The following SP7 variants were observed in gnomAD, a reference collection of about 807,000 sequenced individuals.
SP7 encodes transcription factor Sp7.
SP7 carries 13 observed loss-of-function variants against 27.9 expected under a neutral mutation model. The ratio of observed to expected loss-of-function variants is 0.47; its 90% CI spans 0.30 to 0.74. SP7 has a LOEUF of 0.74. Ranked by LOEUF, SP7 falls within the 30% of genes least tolerant of loss-of-function variation. The pLI is 0.06. For missense variants in SP7, 525 were observed against 558.0 expected (o/e 0.94, Z 0.60); for synonymous variants, 219 against 226.7 (o/e 0.97, Z 0.31).
At chr12:53,341,751 G>T (rs139562187) in intron 1 of SP7, among the ~76,000 whole-genome samples, 64 of 152,190 alleles carry the variant, frequency 4.2e-4, no homozygotes, top group Middle Eastern at 3.4e-3. Context: ...TGAGACTAGC[G>T]TGGCCAACAT....
intron 2 of SP7, among the ~76,000 whole-genome samples, chr12:53,335,164 G>A (rs970620352): frequency 6.6e-6 from 1 of 152,068 alleles, no homozygotes; most frequent in East Asian, 1.9e-4. Context: ...TGGGCTACGA[G>A]TCCCAGGAGA....
At chr12:53,335,259 A>G (rs1332978313) in intron 2 of SP7, among the ~76,000 whole-genome samples, 1 of 151,128 alleles carries the variant, frequency 6.6e-6, no homozygotes, top group Non-Finnish European at 1.5e-5. Context: ...CTGCCAGCTT[A>G]TGTATTTCCC....
chr12:53,336,894 A>G (rs1317187438), upstream of SP7, among the ~76,000 whole-genome samples: 1 of 152,026 alleles, frequency 6.6e-6, no homozygotes, highest in Non-Finnish European at 1.5e-5. Context: ...AAGGCTTGGT[A>G]TTGGCTTGGG....
intron 1 of SP7, among the ~76,000 whole-genome samples, chr12:53,342,297 G>A (rs891976891): frequency 2.6e-5 from 4 of 151,318 alleles, no homozygotes; most frequent in African/African-American, 9.7e-5. Context: ...ACGTCTCCCC[G>A]CTTTCTCTGG....
chr12:53,335,031 C>T (rs946451513), intron 2 of SP7, among the ~76,000 whole-genome samples: 3 of 152,182 alleles, frequency 2.0e-5, no homozygotes, highest in African/African-American at 7.2e-5. Context: ...GCTCAGTTCC[C>T]CTGGTCAGCT....
chr12:53,328,849 T>C lies in SP7; in HGVS notation c.593A>G (p.Tyr198Cys), dbSNP rs1944667445. The C allele has an allele frequency of 6.2e-7, 1 of 1,602,740 alleles. No individual in the cohort carries two copies. Among genetic ancestry groups the C allele is most frequent in the African/African-American group, 1.3e-5 (1 of 74,642 alleles). The change falls in exon 3 of 3, where the codon TAC (tyrosine) becomes TGC (cysteine). Residue 198 changes from tyrosine (Y) to cysteine (C), a missense_variant. Tyr to Cys is a radical substitution (Grantham distance 194, BLOSUM62 -2). Transcript: ENST00000536324. The surrounding 1 kb of genome is among the most constrained non-coding windows in gnomAD (Gnocchi z 5.1). Reference protein sequence around the residue: ...QPPLNPQLPTYPSDFAPLNPA... With the variant: ...QPPLNPQLPTCPSDFAPLNPA... ...ATTAAGGGGAGCAAAGTCAGATGGG[T>C]AGGTGGGCAGCTGGGGGTTCAGTGG...
chr12:53,337,947 A>G (rs1944786207), upstream of SP7, among the ~76,000 whole-genome samples: 1 of 152,150 alleles, frequency 6.6e-6, no homozygotes. Context: ...ACAGGAAAAC[A>G]GAAGACCAGA....
chr12:53,331,871 T>C (rs886274179), intron 2 of SP7, among the ~76,000 whole-genome samples: 1 of 152,230 alleles, frequency 6.6e-6, no homozygotes, highest in Admixed American at 6.5e-5. Context: ...ATGTGTACGA[T>C]GCCAATCCGA....
rs762198352 is a variant in SP7 at position 53,328,741 on chromosome 12, A to G, written c.701T>C (p.Val234Ala). Residue 234 changes from valine (V) to alanine (A), a missense_variant, in exon 3 of 3, where the codon GTG becomes GCG. Val to Ala is a moderately conservative substitution (Grantham distance 64). Coordinates refer to ENST00000536324, the MANE Select transcript of SP7 (RefSeq NM_001173467.3). This position sits in a 1 kb window ranked among gnomAD's most constrained non-coding sequence, Gnocchi z 5.1. Reference sequence around the variant, plus strand: ...CCCTTCTAGCTGCCCACTATTTCCCACTGCCTTGGGTTTATAGACATCTTG... The same window carrying G: ...CCCTTCTAGCTGCCCACTATTTCCCGCTGCCTTGGGTTTATAGACATCTTG... ...LPQDVYKPKA[V>A]GNSGQLEGSG... The G allele has an allele frequency of 6.2e-7, 1 of 1,606,246 alleles. No homozygotes were observed. Among genetic ancestry groups the G allele is most frequent in the Admixed American group, 1.7e-5 (1 of 59,678 alleles).
In SP7 at chr12:53,329,449, G is replaced by T. The variant is rs748198693; in HGVS notation, c.22-29C>A. 1.2e-5 allele frequency: 19 copies of T among 1,591,892 alleles called. No homozygotes were observed. In the African/African-American group the frequency reaches 2.6e-4, roughly 21 times the overall value. Reference sequence around the variant, plus strand: ...TGGAAAGAGGGACGCACTGCTTAGGGAGAGGGGAGGAGAGGTACAAAATGA... The same window carrying T: ...TGGAAAGAGGGACGCACTGCTTAGGTAGAGGGGAGGAGAGGTACAAAATGA... On this transcript the variant is annotated intron_variant, in intron 2 of 2. Coordinates refer to ENST00000536324, the MANE Select transcript of SP7 (RefSeq NM_001173467.3).
intron 1 of SP7, 81 bp downstream of exon 1, chr12:53,336,064 GT>G: frequency 4.9e-6 from 1 of 204,364 alleles, no homozygotes; most frequent in Admixed American, 5.2e-5. Flanking sequence ...TAAAGGGATG[GT>G]GGACCCCGGT....
chr12:53,329,363 A>G lies in SP7; in HGVS notation c.79T>C (p.Phe27Leu), dbSNP rs1369911847. Residue 27 changes from phenylalanine to leucine, a missense_variant, in exon 3 of 3, where the codon TTT (phenylalanine) becomes CTT (leucine). Physicochemically the swap from Phe to Leu is conservative, Grantham distance 22. Coordinates refer to ENST00000536324, the MANE Select transcript of SP7 (RefSeq NM_001173467.3). ...LAMLTAACSKFGGSSPLRDST... is the reference protein window; with the variant it reads ...LAMLTAACSKLGGSSPLRDST... ...TCCCGCAGAGGGCTAGAGCCACCAAATTTGCTGCACGCTGCCGTCAGCATG... is the reference window on the plus strand; with the variant it reads ...TCCCGCAGAGGGCTAGAGCCACCAAGTTTGCTGCACGCTGCCGTCAGCATG... The G allele has an allele frequency of 1.2e-6, 2 of 1,613,940 alleles. No individual in the cohort carries two copies. Among genetic ancestry groups the G allele is most frequent in the Admixed American group, 1.7e-5 (1 of 60,014 alleles).
At chr12:53,336,899 C>A (rs1001298289), upstream of SP7, among the ~76,000 whole-genome samples, 1 of 152,080 alleles carries the variant, frequency 6.6e-6, no homozygotes, top group African/African-American at 2.4e-5. Context: ...TTGGTATTGG[C>A]TTGGGGGTCC....
At chr12:53,338,395 C>T (rs1024949338), upstream of SP7, among the ~76,000 whole-genome samples, 8 of 152,012 alleles carry the variant, frequency 5.3e-5, no homozygotes, top group African/African-American at 1.5e-4. Context: ...CAGAAAAGCC[C>T]GACCCAGTTA....
At chr12:53,336,813 C>T (rs1944777131), upstream of SP7, among the ~76,000 whole-genome samples, 1 of 151,952 alleles carries the variant, frequency 6.6e-6, no homozygotes, top group African/African-American at 2.4e-5. Context: ...GAGGTTTCTG[C>T]TGCCTAAACT....
At chr12:53,339,485 G>C (rs897532597), upstream of SP7, among the ~76,000 whole-genome samples, 40 of 152,092 alleles carry the variant, frequency 2.6e-4, 1 homozygote, top group Admixed American at 2.5e-3. Context: ...CAGCGCTTTG[G>C]GAGGCCAAGG....
upstream of SP7, among the ~76,000 whole-genome samples, chr12:53,338,224 C>T (rs992566234): frequency 1.4e-4 from 21 of 152,088 alleles, 1 homozygote; most frequent in East Asian, 2.1e-3. Flanking sequence ...CCACCCCACC[C>T]GTCTGCCTGA....
At position 53,328,041 on chromosome 12, in the gene SP7, G is replaced by A. The variant is rs750464590; in HGVS notation, c.*105C>T. 3.8e-5 allele frequency: 47 copies of A among 1,221,826 alleles called. No individual in the cohort carries two copies. The highest frequency in any genetic ancestry group is 2.6e-5 in the East Asian group (1 of 38,578). 75.7% of individuals were successfully genotyped at this position (1,221,826 alleles called of 1,614,324 possible). On this transcript the variant is annotated 3_prime_UTR_variant, in exon 3 of 3. Coordinates refer to ENST00000536324, the MANE Select transcript of SP7 (RefSeq NM_001173467.3). The surrounding 1 kb of genome is among the most constrained non-coding windows in gnomAD (Gnocchi z 5.1). ...GAGGGAGACAGAGGGAGAGAGCCCC[G>A]AAGGATGGCATGCATGGGGTAAAGA...
intron 1 of SP7, among the ~76,000 whole-genome samples, chr12:53,342,512 C>T (rs1434746453): frequency 6.6e-6 from 1 of 152,104 alleles, no homozygotes; most frequent in Non-Finnish European, 1.5e-5. Flanking sequence ...TAGGAAGTAT[C>T]TCGATAGAAT....
Sources: gnomAD v4.1 joint callset for allele counts (sites outside exome capture counted in the v4.1 genomes callset) on GRCh38, gnomAD v4.1.1 for gene constraint, Gnocchi (gnomAD v3.1) non-coding constraint, MANE v1.5 for transcripts, NCBI Gene and HGNC (gene_info 2026-07-23, HGNC 2026-07-21) for gene names.